Variants in ADAM7 observed in about 807,000 individuals in gnomAD.
The protein encoded by ADAM7 is ADAM metallopeptidase domain 7, also known as disintegrin and metalloproteinase domain-containing protein 7.
In ADAM7, 97 loss-of-function variants were observed where a neutral mutation model predicts 102.9. The ratio of observed to expected loss-of-function variants is 0.94; its 90% CI spans 0.80 to 1.12. ADAM7 has a LOEUF of 1.12. Ranked by LOEUF, ADAM7 falls within the 50% of genes most tolerant of loss-of-function variation. The pLI is 0.00. For synonymous variants in ADAM7, 334 were observed against 304.4 expected (o/e 1.10, Z -1.01); for missense variants, 991 against 908.7 (o/e 1.09, Z -1.16).
chr8:24,499,274 C>G lies in ADAM7; in HGVS notation c.1881C>G (p.Val627=). The change falls in exon 17 of 22, where the codon GTC becomes GTG. Residue 627 remains valine (V), a synonymous_variant. Coordinates refer to ENST00000175238, the MANE Select transcript of ADAM7 (RefSeq NM_003817.4). ...GTGAATGTCTAAACATGGAAAAGGT[C>G]TATATCTCAACCAATTGCCCCTCTC... ...NNGECLNMEK[V]YISTNCPSQC... 3 of 1,608,234 alleles carry G rather than the reference C, an allele frequency of 1.9e-6. No homozygotes were observed. Among genetic ancestry groups the G allele is most frequent in the Non-Finnish European group, 2.5e-6 (3 of 1,177,644 alleles).
chr8:24,468,919 T>G, intron 7 of ADAM7, 99 bp downstream of exon 7: 3 of 1,157,088 alleles, frequency 2.6e-6, no homozygotes, highest in Non-Finnish European at 3.7e-6. Flanking sequence ...CAGAGTTCTA[T>G]TCTAGGCTCA....
intron 7 of ADAM7, chr8:24,475,950 T>G (rs1336410028): frequency 8.8e-6 from 4 of 456,388 alleles, no homozygotes; most frequent in Non-Finnish European, 1.3e-5. Context: ...TAGCTACAGT[T>G]TCCTGTCCCT....
intron 7 of ADAM7, among the ~76,000 whole-genome samples, chr8:24,470,139 AAG>A (rs1257435173): frequency 2.0e-5 from 3 of 152,122 alleles, no homozygotes; most frequent in African/African-American, 7.2e-5. Flanking sequence ...AACTGTAAGA[AAG>A]AGGCAGATTG....
At chr8:24,496,586 C>T (rs1820561549) in intron 16 of ADAM7, among the ~76,000 whole-genome samples, 1 of 152,190 alleles carries the variant, frequency 6.6e-6, no homozygotes, top group Non-Finnish European at 1.5e-5. Context: ...TATGGGAACC[C>T]ACCTCTTGCA....
At position 24,454,421 on chromosome 8, in the gene ADAM7, A is replaced by G. The variant is rs1424640657; in HGVS notation, c.233+7159A>G. On this transcript the variant is annotated intron_variant, in intron 3 of 21. Coordinates refer to ENST00000175238, the MANE Select transcript of ADAM7 (RefSeq NM_003817.4). ...TTGATCTCAGACTGCTGTGCTAGCA[A>G]TCAGCAAGACTCCATGGGCGTAAGA... 5.3e-5 allele frequency among the ~76,000 whole-genome samples: 8 copies of G among 152,166 alleles called. No homozygotes were observed. In the South Asian group the frequency reaches 1.4e-3, roughly 28 times the overall value.
intron 20 of ADAM7, 67 bp downstream of exon 20, chr8:24,501,643 A>G: frequency 8.1e-7 from 1 of 1,235,386 alleles, no homozygotes; most frequent in Non-Finnish European, 1.1e-6. Context: ...GAATGTGTTT[A>G]AAGTAGAACC....
intron 2 of ADAM7, among the ~76,000 whole-genome samples, 161 bp downstream of exon 2, chr8:24,442,737 A>G (rs1818418094): frequency 6.6e-6 from 1 of 152,164 alleles, no homozygotes; most frequent in South Asian, 2.1e-4. Context: ...CAACCCCTCA[A>G]TGGGTTAGAA....
At chr8:24,501,290 T>C (rs1820751406) in intron 19 of ADAM7, among the ~76,000 whole-genome samples, 187 bp from the exon 20 acceptor site, 1 of 152,132 alleles carries the variant, frequency 6.6e-6, no homozygotes, top group Non-Finnish European at 1.5e-5. Context: ...GTGACATCAC[T>C]GAAGATTGTA....
At chr8:24,500,462 T>G (rs1013251555) in intron 18 of ADAM7, among the ~76,000 whole-genome samples, 4 of 152,194 alleles carry the variant, frequency 2.6e-5, no homozygotes, top group Non-Finnish European at 5.9e-5. Context: ...TAGTCTCTTC[T>G]AGCTAAATTA....
At chr8:24,442,676 C>G in intron 2 of ADAM7, 100 bp downstream of exon 2, 1 of 954,490 alleles carries the variant, frequency 1.0e-6, no homozygotes, top group Middle Eastern at 2.1e-4. Context: ...AGAGGAGTTT[C>G]AATTTTTCTA....
intron 2 of ADAM7, among the ~76,000 whole-genome samples, chr8:24,444,131 C>T (rs893952700): frequency 6.6e-6 from 1 of 150,842 alleles, no homozygotes; most frequent in Non-Finnish European, 1.5e-5. Flanking sequence ...CAGAAGCCAA[C>T]AGAAAGAGCT....
chr8:24,480,395 C>A (rs891610728), intron 8 of ADAM7, among the ~76,000 whole-genome samples: 2 of 152,058 alleles, frequency 1.3e-5, no homozygotes, highest in African/African-American at 4.8e-5. Flanking sequence ...CCCATACTCA[C>A]GTTATTTCAC....
intron 13 of ADAM7, 166 bp from the exon 14 acceptor site, chr8:24,491,737 T>C: frequency 1.8e-6 from 1 of 554,840 alleles, no homozygotes; most frequent in Admixed American, 3.5e-5. Flanking sequence ...ATTACATGAG[T>C]GCCAACACAT....
chr8:24,508,917 AT>A lies in ADAM7; in HGVS notation c.*372del. The A allele has an allele frequency of 1.9e-6, 2 of 1,065,208 alleles. No homozygotes were observed. Among genetic ancestry groups the A allele is most frequent in the Non-Finnish European group, 2.3e-6 (2 of 882,806 alleles). 66.0% of individuals were successfully genotyped at this position (1,065,208 alleles called of 1,614,324 possible). ...ACAGTCTAAGAAGAAAACATTGCAT[AT>A]AAAAAGTTACTTTTTTGGAAACATA... On this transcript the variant is annotated 3_prime_UTR_variant, in exon 22 of 22. Coordinates refer to ENST00000175238, the MANE Select transcript of ADAM7 (RefSeq NM_003817.4).
At chr8:24,470,544 A>G (rs558429010) in intron 7 of ADAM7, among the ~76,000 whole-genome samples, 2 of 152,278 alleles carry the variant, frequency 1.3e-5, no homozygotes, top group South Asian at 4.1e-4. Context: ...ACCTACAGTC[A>G]TGCACCACAT....
In ADAM7 at chr8:24,477,946, C is replaced by A. The variant is rs558153007; in HGVS notation, c.705+1442C>A. 3.3e-5 allele frequency among the ~76,000 whole-genome samples: 5 copies of A among 152,240 alleles called. No individual in the cohort carries two copies. In the East Asian group the frequency reaches 9.7e-4, roughly 29 times the overall value. ...CCATATATGTACTCAGCTAATTTCA[C>A]TCACTCTCTCTTATAGTTTCCACCT... On this transcript the variant is annotated intron_variant, in intron 8 of 21. Coordinates refer to ENST00000175238, the MANE Select transcript of ADAM7 (RefSeq NM_003817.4).
chr8:24,492,716 TAAG>T (rs1275346231), intron 15 of ADAM7, 119 bp downstream of exon 15: 1 of 677,090 alleles, frequency 1.5e-6, no homozygotes, highest in African/African-American at 1.8e-5. Flanking sequence ...AAGAGGGAAA[TAAG>T]AAGGAAATCT....
At chr8:24,480,381 A>G (rs1819908662) in intron 8 of ADAM7, among the ~76,000 whole-genome samples, 1 of 152,236 alleles carries the variant, frequency 6.6e-6, no homozygotes, top group East Asian at 1.9e-4. Flanking sequence ...TATCCTTCAC[A>G]GAGCCCATAC....
At chr8:24,475,956 T>G (rs764551576) in intron 7 of ADAM7, 36 of 456,326 alleles carry the variant, frequency 7.9e-5, no homozygotes, top group South Asian at 2.0e-4. Context: ...CAGTTTCCTG[T>G]CCCTCTTCAG....
Sources: allele counts gnomAD v4.1 joint callset (sites outside exome capture counted in the v4.1 genomes callset), GRCh38; gene constraint gnomAD v4.1.1; transcripts MANE v1.5; gene names NCBI Gene and HGNC (gene_info 2026-07-23, HGNC 2026-07-21).